The following IDO2 variants were observed in gnomAD, a reference collection of about 807,000 sequenced individuals.
IDO2 encodes indoleamine 2,3-dioxygenase 2.
Under a neutral mutation model 45.1 loss-of-function variants are expected in IDO2, and 46 were observed. The ratio of observed to expected loss-of-function variants is 1.02; its 90% CI spans 0.80 to 1.30. The LOEUF (loss-of-function observed/expected upper bound fraction) is 1.30, where lower values mean the gene tolerates loss of function less well. IDO2 is among the 50% of genes most tolerant of loss of function. IDO2 has a pLI of 0.00. For missense variants in IDO2, 544 were observed against 491.8 expected, an observed-to-expected ratio of 1.11 and a Z score of -1.00; for synonymous variants, 218 against 184.9, an observed-to-expected ratio of 1.18 and a Z score of -1.45.
intron 2 of IDO2, among the ~76,000 whole-genome samples, chr8:39,955,099 C>A (rs1298504301): frequency 6.6e-6 from 1 of 150,612 alleles, no homozygotes; most frequent in Non-Finnish European, 1.5e-5. Context: ...GGTACTAGGG[C>A]TAGGGCTTCA....
chr8:40,011,917 C>G (rs1045446131), intron 9 of IDO2, among the ~76,000 whole-genome samples: 1 of 152,198 alleles, frequency 6.6e-6, no homozygotes, highest in Non-Finnish European at 1.5e-5. Context: ...CCTCTCCTTT[C>G]CTCTTCCCAC....
intron 4 of IDO2, among the ~76,000 whole-genome samples, chr8:39,980,472 G>T (rs1361500566): frequency 6.6e-6 from 1 of 151,848 alleles, no homozygotes; most frequent in African/African-American, 2.4e-5. Flanking sequence ...CTGAATCATT[G>T]CATAACTTTG....
At chr8:40,000,409 C>CAAA (rs111983380) in intron 8 of IDO2, among the ~76,000 whole-genome samples, 1 of 132,968 alleles carries the variant, frequency 7.5e-6, no homozygotes, top group Non-Finnish European at 1.6e-5. Flanking sequence ...ACTCCATCTT[C>CAAA]AAAAAAAAAA....
chr8:39,950,793 G>A lies in IDO2; in HGVS notation c.99+1529G>A, dbSNP rs574431493. 2.6e-5 allele frequency among the ~76,000 whole-genome samples: 4 copies of A among 152,266 alleles called. No individual in the cohort carries two copies. The East Asian group carries it at 7.7e-4, about 29-fold the overall frequency. On this transcript the variant is annotated intron_variant, in intron 2 of 10. Transcript: ENST00000502986. ...CAAAGAAAGAAAAGCAAGTTGCCCA[G>A]GGATAGTTAAGGAAACATCTCCATA...
At chr8:40,011,100 G>A (rs1458845256) in intron 9 of IDO2, among the ~76,000 whole-genome samples, 2 of 152,100 alleles carry the variant, frequency 1.3e-5, no homozygotes, top group Non-Finnish European at 2.9e-5. Context: ...TAATGGAAAT[G>A]GGGTTTCACC....
At chr8:39,981,805 G>A (rs762285197) in intron 4 of IDO2, among the ~76,000 whole-genome samples, 1 of 152,132 alleles carries the variant, frequency 6.6e-6, no homozygotes, top group Non-Finnish European at 1.5e-5. Flanking sequence ...GGAAGAGGGG[G>A]CACAAGGATG....
intron 4 of IDO2, among the ~76,000 whole-genome samples, chr8:39,980,806 G>A (rs1044211238): frequency 6.6e-6 from 1 of 152,132 alleles, no homozygotes; most frequent in Non-Finnish European, 1.5e-5. Context: ...CTAGAGTGCA[G>A]TGGCGTGATC....
chr8:39,989,683 G>A (rs575099617), intron 7 of IDO2, 38 bp from the exon 8 acceptor site: 2 of 1,377,066 alleles, frequency 1.5e-6, no homozygotes, highest in African/African-American at 1.4e-5. Flanking sequence ...GACTTTAAGG[G>A]AGTGCTAATA....
At chr8:39,960,695 G>A (rs1178596038) in intron 2 of IDO2, among the ~76,000 whole-genome samples, 5 of 152,172 alleles carry the variant, frequency 3.3e-5, no homozygotes, top group African/African-American at 1.2e-4. Flanking sequence ...TTTTAAAGAG[G>A]TCAATCTTAC....
intron 2 of IDO2, among the ~76,000 whole-genome samples, chr8:39,950,682 C>A (rs1278319706): frequency 6.6e-6 from 1 of 152,208 alleles, no homozygotes; most frequent in Non-Finnish European, 1.5e-5. Flanking sequence ...GTCCAGCTTC[C>A]ATTGGCTGGA....
intron 3 of IDO2, among the ~76,000 whole-genome samples, chr8:39,975,446 G>T (rs1435570591): frequency 6.6e-6 from 1 of 151,952 alleles, no homozygotes; most frequent in Non-Finnish European, 1.5e-5. Flanking sequence ...TAAATTGATT[G>T]GAAAAACAAC....
chr8:39,970,764 C>CTTTTTT (rs766122277), intron 3 of IDO2, among the ~76,000 whole-genome samples: 1 of 112,446 alleles, frequency 8.9e-6, no homozygotes, highest in Non-Finnish European at 1.8e-5. Flanking sequence ...CCAACCAGGA[C>CTTTTTT]TTTTTTTTTT....
At chr8:39,955,251 CTTT>C (rs34726763) in intron 2 of IDO2, among the ~76,000 whole-genome samples, 1,721 of 96,990 alleles carry the variant, frequency 0.018, 27 homozygotes, top group African/African-American at 0.052. Context: ...TAATATTTGC[CTTT>C]TTTTTTTTTT....
intron 9 of IDO2, 33 bp downstream of exon 9, chr8:40,005,411 G>A: frequency 7.0e-7 from 1 of 1,427,702 alleles, no homozygotes; most frequent in Non-Finnish European, 9.6e-7. Context: ...CCTGTGTGAA[G>A]TCTCTGTAGC....
At chr8:40,002,173 C>T (rs1352847305) in intron 8 of IDO2, among the ~76,000 whole-genome samples, 3 of 152,092 alleles carry the variant, frequency 2.0e-5, no homozygotes, top group African/African-American at 7.2e-5. Context: ...CTACTTGCTA[C>T]TTATAATTAT....
intron 1 of IDO2, among the ~76,000 whole-genome samples, chr8:39,943,306 G>T (rs941266685): frequency 6.6e-6 from 1 of 152,120 alleles, no homozygotes; most frequent in African/African-American, 2.4e-5. Context: ...AGGAGGTGGA[G>T]GTTGCAGTAA....
intron 2 of IDO2, among the ~76,000 whole-genome samples, chr8:39,950,874 G>T (rs117508205): frequency 6.6e-6 from 1 of 152,140 alleles, no homozygotes; most frequent in Admixed American, 6.6e-5. Flanking sequence ...CAGACATGCC[G>T]GAGCAAGCTA....
At position 39,935,078 on chromosome 8, in the gene IDO2, G is replaced by C. The variant is rs536594124; in HGVS notation, c.-158G>C. The C allele has an allele frequency of 4.4e-6, 4 of 901,518 alleles. No individual in the cohort carries two copies. The East Asian group carries it at 7.2e-5, about 16-fold the overall frequency. The allele number at this position is 901,518 out of a possible 1,614,324, so 55.8% of individuals were successfully genotyped here. On this transcript the variant is annotated 5_prime_UTR_variant, in exon 1 of 11. Transcript: ENST00000502986. ...ATAAATATTTTAAAGACAAGGATTG[G>C]ATTAGATTTGACATTAGAAATGTAC...
intron 1 of IDO2, 65 bp downstream of exon 1, chr8:39,935,283 T>C: frequency 3.0e-6 from 4 of 1,322,572 alleles, no homozygotes; most frequent in Non-Finnish European, 4.3e-6. Flanking sequence ...GACTGACAAT[T>C]TGGGGCTAGC....
Sources: gnomAD v4.1 joint callset for allele counts (sites outside exome capture counted in the v4.1 genomes callset) on GRCh38, gnomAD v4.1.1 for gene constraint, MANE v1.5 for transcripts, NCBI Gene and HGNC (gene_info 2026-07-23, HGNC 2026-07-21) for gene names.